The following MXD3 variants were observed in gnomAD, a reference collection of about 807,000 sequenced individuals.
MXD3 encodes Max-associated protein 3.
Under a neutral mutation model 27.5 loss-of-function variants are expected in MXD3, and 20 were observed. The observed-to-expected ratio is 0.73, with a 90% CI of 0.51 to 1.06. The LOEUF is 1.06. Ranked by LOEUF, MXD3 falls within the 50% of genes least tolerant of loss-of-function variation. The pLI is 0.00. For synonymous variants in MXD3, 150 were observed against 130.7 expected (o/e 1.15, Z -1.01); for missense variants, 298 against 291.3 (o/e 1.02, Z -0.17).
downstream of MXD3, chr5:177,305,873 G>A (rs983949218): frequency 6.2e-7 from 1 of 1,613,556 alleles, no homozygotes; most frequent in Non-Finnish European, 8.5e-7. Context: ...CTGCATAGGT[G>A]GTGGAGGAAC....
intron 4 of MXD3, 83 bp downstream of exon 4, chr5:177,310,343 G>T: frequency 9.1e-7 from 1 of 1,097,986 alleles, no homozygotes; most frequent in South Asian, 1.5e-5. Flanking sequence ...CTCAGGTCTC[G>T]TTCCCCAGTC....
Position 177,311,856 on chromosome 5 carries a change from G to T in MXD3, c.-26C>A. 1 of 1,605,306 alleles carries T rather than the reference G, an allele frequency of 6.2e-7. No homozygotes were observed. The highest frequency in any genetic ancestry group is 8.5e-7 in the Non-Finnish European group (1 of 1,176,202). On this transcript the variant is annotated 5_prime_UTR_variant, in exon 1 of 6. Coordinates refer to ENST00000439742, the MANE Select transcript of MXD3 (RefSeq NM_031300.4). Reference sequence around the variant, plus strand: ...GTCGGCGACAGCTGGCGGCGGGCCGGCCTAGGGTGCCGGCCGGAGCAAGCG... The same window carrying T: ...GTCGGCGACAGCTGGCGGCGGGCCGTCCTAGGGTGCCGGCCGGAGCAAGCG...
chr5:177,309,339 G>T (rs769915530), intron 4 of MXD3, among the ~76,000 whole-genome samples: 2 of 152,204 alleles, frequency 1.3e-5, no homozygotes, highest in Non-Finnish European at 2.9e-5. Flanking sequence ...GGAAGGCTGG[G>T]AGGAGGCCGG....
chr5:177,306,678 A>G (rs1445260441), downstream of MXD3: 24 of 1,461,600 alleles, frequency 1.6e-5, no homozygotes, highest in African/African-American at 4.2e-5. Context: ...TCTGCTGTCT[A>G]CGTGGTGGGT....
chr5:177,311,413 G>T lies in MXD3; in HGVS notation c.142C>A (p.Pro48Thr), dbSNP rs760299851. The part of the protein sequence containing the change: ...PGPIHRRKKR[P>T]PQAPGAQDSG... The stretch of plus-strand genomic sequence containing the variant: ...TCCTGCGCGCCAGGAGCCTGGGGGG[G>T]TCGCTTCTTCCTCCTGTGGATGGGG... Residue 48 changes from proline to threonine, a missense_variant, in exon 2 of 6, where the codon CCC becomes ACC. By Grantham distance (38) the Pro-to-Thr change is conservative. Coordinates refer to ENST00000439742, the MANE Select transcript of MXD3 (RefSeq NM_031300.4). 1 of 1,441,858 alleles carries T rather than the reference G, an allele frequency of 6.9e-7. No homozygotes were observed. The highest frequency in any genetic ancestry group is 9.1e-7 in the Non-Finnish European group (1 of 1,104,432). The allele number at this position is 1,441,858 out of a possible 1,614,324, so 89.3% of individuals were successfully genotyped here.
chr5:177,306,223 C>T, downstream of MXD3: 1 of 1,589,228 alleles, frequency 6.3e-7, no homozygotes, highest in Non-Finnish European at 8.6e-7. Context: ...GAGGCTCATT[C>T]AGCCTAGCGG....
At position 177,311,889 on chromosome 5, in the gene MXD3, C is replaced by A; in HGVS notation, c.-59G>T. On this transcript the variant is annotated 5_prime_UTR_variant, in exon 1 of 6. Transcript: ENST00000439742. ...TGCCGGCCGGAGCAAGCGGCTGCAG[C>A]ACTTTTGTTACAAAGTAACTGACAC... 6.4e-7 allele frequency: 1 copy of A among 1,571,746 alleles called. No individual in the cohort carries two copies. The highest frequency in any genetic ancestry group is 1.1e-5 in the South Asian group (1 of 87,444).
downstream of MXD3, chr5:177,305,536 C>G (rs72813180): frequency 0.18 from 54,637 of 308,518 alleles, 6,030 homozygotes; most frequent in East Asian, 0.42. Flanking sequence ...TCAGGAAGCT[C>G]CAGAGCTGCA....
At chr5:177,308,186 G>C (rs10051822) in intron 4 of MXD3, 8 of 546,594 alleles carry the variant, frequency 1.5e-5, no homozygotes, top group Middle Eastern at 4.8e-4. Context: ...GATTGGGGGT[G>C]GGGGGGCACC....
downstream of MXD3, chr5:177,306,273 G>A (rs1760871912): frequency 1.9e-6 from 3 of 1,560,540 alleles, no homozygotes; most frequent in South Asian, 2.2e-5. Flanking sequence ...CTCTGAGCTG[G>A]GACTCCTTGT....
At position 177,310,487 on chromosome 5, in the gene MXD3, C is replaced by T; in HGVS notation, c.260G>A (p.Gly87Glu). 4 of 1,613,178 alleles carry T rather than the reference C, an allele frequency of 2.5e-6. No homozygotes were observed. The highest frequency in any genetic ancestry group is 1.1e-5 in the South Asian group (1 of 90,950). Reference protein sequence around the residue: ...LERLKQQMPLGADCARYTTLS... With the variant: ...LERLKQQMPLEADCARYTTLS... ...CGTGGTGTACCGGGCACAGTCGGCC[C>T]CCAGGGGCATCTGCTGCTTCAGCCG... Residue 87 changes from glycine to glutamate, a missense_variant, in exon 4 of 6, where the codon GGG (glycine) becomes GAG (glutamate). Physicochemically the swap from Gly to Glu is moderately conservative, Grantham distance 98. Coordinates refer to ENST00000439742, the MANE Select transcript of MXD3 (RefSeq NM_031300.4).
intron 4 of MXD3, 114 bp from the exon 5 acceptor site, chr5:177,308,078 G>T: frequency 9.6e-7 from 1 of 1,042,010 alleles, no homozygotes. Context: ...ACTCCGGGCA[G>T]GTGGCGACTA....
intron 4 of MXD3, among the ~76,000 whole-genome samples, chr5:177,308,339 G>GGAAA: frequency 6.6e-6 from 1 of 152,116 alleles, no homozygotes; most frequent in South Asian, 2.1e-4. Flanking sequence ...TGGGAAACAG[G>GGAAA]CCCGGTGTTA....
At chr5:177,306,541 A>AAGCAGC, downstream of MXD3, 1 of 1,611,558 alleles carries the variant, frequency 6.2e-7, no homozygotes, top group Non-Finnish European at 8.5e-7. Context: ...GGCCACCAAG[A>AAGCAGC]AGCAGCAGCA....
intron 4 of MXD3, among the ~76,000 whole-genome samples, chr5:177,309,364 A>G (rs1365000157): frequency 6.6e-6 from 1 of 152,188 alleles, no homozygotes; most frequent in Non-Finnish European, 1.5e-5. Context: ...TTAATCCAGG[A>G]GAGGGGTGAT....
upstream of MXD3, chr5:177,312,591 G>A (rs1245235283): frequency 1.2e-5 from 12 of 985,322 alleles, no homozygotes; most frequent in Non-Finnish European, 1.4e-5. Context: ...CCTGCCATCT[G>A]CCCCCGAAGG....
chr5:177,312,283 G>A, upstream of MXD3: 2 of 986,550 alleles, frequency 2.0e-6, no homozygotes, highest in Non-Finnish European at 2.4e-6. Context: ...CTGCACGTGG[G>A]TGCCGCGGGG....
downstream of MXD3, chr5:177,306,094 C>G: frequency 6.2e-7 from 1 of 1,610,472 alleles, no homozygotes. Context: ...TCATCTCATG[C>G]CAGGAATTTG....
At position 177,307,538 on chromosome 5, in the gene MXD3, A is replaced by G; in HGVS notation, c.*50T>C. On this transcript the variant is annotated 3_prime_UTR_variant, in exon 6 of 6. Transcript: ENST00000439742. ...GCTTGGGGAGGGCTCCTGCCTGGCA[A>G]GTGGGCCTGGCACGAGTAGAGGGCA... 4.4e-6 allele frequency: 7 copies of G among 1,595,722 alleles called. No individual in the cohort carries two copies. The highest frequency in any genetic ancestry group is 6.0e-6 in the Non-Finnish European group (7 of 1,172,896).
Sources: allele counts gnomAD v4.1 joint callset (sites outside exome capture counted in the v4.1 genomes callset), GRCh38; gene constraint gnomAD v4.1.1; transcripts MANE v1.5; gene names NCBI Gene and HGNC (gene_info 2026-07-23, HGNC 2026-07-21).